FRMD8: variants seen among roughly 807,000 people sequenced by gnomAD.
FRMD8 encodes FERM domain containing 8.
Under a neutral mutation model 54.2 loss-of-function variants are expected in FRMD8, and 37 were observed. That is an observed-to-expected ratio of 0.68 (90% CI 0.53 to 0.90). The LOEUF is 0.90. Ranked by LOEUF, FRMD8 falls within the 40% of genes least tolerant of loss-of-function variation. The pLI is 0.00. For synonymous variants in FRMD8, 246 were observed against 286.9 expected (o/e 0.86, Z 1.44); for missense variants, 585 against 653.7 (o/e 0.89, Z 1.15).
At chr11:65,399,029 G>C (rs1856014092) in intron 7 of FRMD8, among the ~76,000 whole-genome samples, 1 of 136,022 alleles carries the variant, frequency 7.4e-6, no homozygotes, top group African/African-American at 2.8e-5. Flanking sequence ...ATGGAGTCTC[G>C]CTCTGTTGCC....
At chr11:65,369,366 C>T in the FRMD8 span, among the ~76,000 whole-genome samples, 1 of 151,264 alleles carries the variant, frequency 6.6e-6, no homozygotes, top group African/African-American at 2.4e-5. Context: ...AAGACGATCA[C>T]TTAAGCCCAG....
chr11:65,404,371 G>T lies in FRMD8; in HGVS notation c.1072-493G>T, dbSNP rs1261383352. Reference sequence around the variant, plus strand: ...CCCGGCTGCTGCATCTTTTCTGTCAGTGTGCCTCATGCTTCACACCTGTTG... The same window carrying T: ...CCCGGCTGCTGCATCTTTTCTGTCATTGTGCCTCATGCTTCACACCTGTTG... On this transcript the variant is annotated intron_variant, in intron 9 of 10. Coordinates refer to ENST00000317568, the MANE Select transcript of FRMD8 (RefSeq NM_031904.5). This position sits in a 1 kb window ranked among gnomAD's most constrained non-coding sequence, Gnocchi z 4.7. Among the ~76,000 whole-genome samples, 1 of 152,138 alleles carries T rather than the reference G, an allele frequency of 6.6e-6. No individual in the cohort carries two copies. Among genetic ancestry groups the T allele is most frequent in the Non-Finnish European group, 1.5e-5 (1 of 68,018 alleles).
chr11:65,391,240 G>A (rs544560665), intron 3 of FRMD8, among the ~76,000 whole-genome samples: 20 of 152,352 alleles, frequency 1.3e-4, no homozygotes, highest in Admixed American at 8.5e-4. Flanking sequence ...AGGCAGGAAG[G>A]CCCCATCTGG....
chr11:65,398,558 C>G (rs1856004328), intron 7 of FRMD8, among the ~76,000 whole-genome samples: 1 of 152,230 alleles, frequency 6.6e-6, no homozygotes, highest in Non-Finnish European at 1.5e-5. Flanking sequence ...GTCCTCCTGG[C>G]AGCTGGCGAT....
chr11:65,398,986 T>C (rs1194812538), intron 7 of FRMD8, among the ~76,000 whole-genome samples: 2 of 133,062 alleles, frequency 1.5e-5, no homozygotes, highest in South Asian at 2.4e-4. Context: ...GTGGCAGCTC[T>C]TCTCAATGTT....
upstream of FRMD8, chr11:65,386,545 CCGCGCGGGG>C (rs2137851331): frequency 6.4e-6 from 1 of 156,660 alleles, no homozygotes. Context: ...CATGCGCGGG[CCGCGCGGGG>C]CGGCCCTGGG....
the FRMD8 span, chr11:65,380,326 A>T: frequency 8.6e-7 from 1 of 1,162,256 alleles, no homozygotes; most frequent in African/African-American, 1.5e-5. Flanking sequence ...AGCTCTAGAG[A>T]CTCCAGCTGC....
chr11:65,405,149 A>G (rs1856168914), intron 10 of FRMD8, 81 bp downstream of exon 10: 1 of 1,354,238 alleles, frequency 7.4e-7, no homozygotes, highest in Admixed American at 1.8e-5. Context: ...AGGACAGGGC[A>G]TTGCAGAGCA....
the FRMD8 span, among the ~76,000 whole-genome samples, chr11:65,371,764 G>T: frequency 1.3e-5 from 2 of 152,270 alleles, no homozygotes; most frequent in South Asian, 4.1e-4. Flanking sequence ...ACAGGTGCGT[G>T]CCACCATGCC....
At position 65,389,485 on chromosome 11, in the gene FRMD8, C is replaced by T. The variant is rs923883704; in HGVS notation, c.210C>T (p.Ile70=). 5.2e-5 allele frequency: 83 copies of T among 1,607,614 alleles called. No homozygotes were observed. Among genetic ancestry groups the T allele is most frequent in the Non-Finnish European group, 6.5e-5 (77 of 1,179,800 alleles). Residue 70 remains isoleucine, a synonymous_variant, in exon 3 of 11, where the codon ATC becomes ATT. Transcript: ENST00000317568. ...GCGAGGTCCTGCAGCTTCCAGACAT[C>T]GCCCTGGATGTCTTCGCGCTCTGGC... is the stretch of plus-strand genomic sequence containing the variant. ...AVREVLQLPD[I]ALDVFALWLV... is the part of the protein sequence containing the mutation.
intron 7 of FRMD8, among the ~76,000 whole-genome samples, chr11:65,398,535 G>C (rs766531414): frequency 6.6e-6 from 1 of 152,260 alleles, no homozygotes; most frequent in Non-Finnish European, 1.5e-5. Flanking sequence ...AGCTCCTAGC[G>C]CATGCCCCGC....
chr11:65,371,637 C>T, the FRMD8 span, among the ~76,000 whole-genome samples: 8 of 152,260 alleles, frequency 5.3e-5, no homozygotes, highest in South Asian at 6.2e-4. Flanking sequence ...TTTTTTGAGA[C>T]GAAGTCTCGC....
At chr11:65,399,510 C>G (rs1353459025) in intron 7 of FRMD8, among the ~76,000 whole-genome samples, 1 of 152,208 alleles carries the variant, frequency 6.6e-6, no homozygotes, top group Non-Finnish European at 1.5e-5. Flanking sequence ...AGTGCCCACC[C>G]TTCTCTGTGC....
In FRMD8 at chr11:65,404,942, G is replaced by A. The variant is rs773607506; in HGVS notation, c.1150G>A (p.Ala384Thr). 1.5e-5 allele frequency: 24 copies of A among 1,613,190 alleles called. No homozygotes were observed. The highest frequency in any genetic ancestry group is 2.0e-5 in the Non-Finnish European group (24 of 1,180,042). The change falls in exon 10 of 11, where the codon GCG becomes ACG. Residue 384 changes from alanine to threonine, a missense_variant. Coordinates refer to ENST00000317568, the MANE Select transcript of FRMD8 (RefSeq NM_031904.5). This position sits in a 1 kb window ranked among gnomAD's most constrained non-coding sequence, Gnocchi z 4.7. ...AAEPAGPQDS[A>T]TGSPSDPSSS... ...GGAGCCCGCAGGCCCCCAGGACAGT[G>A]CGACTGGCTCGCCCTCGGACCCCAG...
In FRMD8 at chr11:65,405,049, C is replaced by T. The variant is rs1284506001; in HGVS notation, c.1257C>T (p.Thr419=). Residue 419 remains threonine (T), a synonymous_variant, in exon 10 of 11, where the codon ACC becomes ACT. Transcript: ENST00000317568. The stretch of plus-strand genomic sequence containing the variant: ...CCAGCCGGATCCAGCATCTCTCCAC[C>T]ATCGACTACGTGGAGGACGGTGAGC... ...VVSSRIQHLS[T]IDYVEDGKGI... is the part of the protein sequence containing the mutation. The T allele has an allele frequency of 6.2e-7, 1 of 1,613,334 alleles. No homozygotes were observed. Among genetic ancestry groups the T allele is most frequent in the African/African-American group, 1.3e-5 (1 of 74,954 alleles).
At chr11:65,388,249 G>C (rs779884944) in intron 2 of FRMD8, among the ~76,000 whole-genome samples, 17 of 152,132 alleles carry the variant, frequency 1.1e-4, no homozygotes, top group Non-Finnish European at 2.2e-4. Context: ...GTCCCAGGCA[G>C]GCTGTGGAAG....
At chr11:65,384,644 A>G (rs1323458711), upstream of FRMD8, among the ~76,000 whole-genome samples, 2 of 152,238 alleles carry the variant, frequency 1.3e-5, no homozygotes. Context: ...ACAGCAAGTG[A>G]GCAGAGACTT....
chr11:65,400,925 C>T lies in FRMD8; in HGVS notation c.1071+58C>T. 6.6e-7 allele frequency: 1 copy of T among 1,524,028 alleles called. No homozygotes were observed. The allele number at this position is 1,524,028 out of a possible 1,614,324, so 94.4% of individuals were successfully genotyped here. On this transcript the variant is annotated intron_variant, in intron 9 of 10. Coordinates refer to ENST00000317568, the MANE Select transcript of FRMD8 (RefSeq NM_031904.5). This position sits in a 1 kb window ranked among gnomAD's most constrained non-coding sequence, Gnocchi z 4.3. ...AGGCTGGGCCCAGGTGCCCTGGGTC[C>T]CAGACAATTAGAGGCACCAGGCTGG...
At chr11:65,370,324 G>A in the FRMD8 span, among the ~76,000 whole-genome samples, 4 of 151,638 alleles carry the variant, frequency 2.6e-5, no homozygotes, top group South Asian at 2.1e-4. Flanking sequence ...TGCAGGCTGC[G>A]GGAGGGAGCT....
Sources: allele counts gnomAD v4.1 joint callset (sites outside exome capture counted in the v4.1 genomes callset), GRCh38; gene constraint gnomAD v4.1.1; non-coding constraint Gnocchi (gnomAD v3.1); transcripts MANE v1.5; gene names NCBI Gene and HGNC (gene_info 2026-07-23, HGNC 2026-07-21).